Variants in RBFOX1 observed in about 807,000 individuals in gnomAD.
The protein encoded by RBFOX1 is RNA binding fox-1 homolog 1.
In RBFOX1, 8 loss-of-function variants were observed where a neutral mutation model predicts 57.7. The ratio of observed to expected loss-of-function variants is 0.14; its 90% CI spans 0.08 to 0.25. The LOEUF (loss-of-function observed/expected upper bound fraction) is 0.25, where lower values mean the gene tolerates loss of function less well. Among genes scored for constraint, RBFOX1 ranks in the 10% least tolerant of loss-of-function variants. The probability of loss-of-function intolerance (pLI) is 1.00; values close to 1 mark genes in which losing one functional copy is unlikely to be tolerated. For missense variants in RBFOX1, 611 were observed against 548.5 expected (o/e 1.11, Z -1.14); for synonymous variants, 326 against 222.4 (o/e 1.47, Z -4.15).
At chr16:7,034,597 G>T (rs2043741593) in intron 3 of RBFOX1, among the ~76,000 whole-genome samples, 3 of 152,078 alleles carry the variant, frequency 2.0e-5, no homozygotes, top group South Asian at 4.2e-4. Context: ...ATCCAGAGAA[G>T]ATCCCTGGCA....
intron 3 of RBFOX1, among the ~76,000 whole-genome samples, chr16:5,664,902 C>G (rs2049781044): frequency 6.6e-6 from 1 of 152,056 alleles, no homozygotes; most frequent in Non-Finnish European, 1.5e-5. Context: ...TCCTGCCCAC[C>G]TCCATATTGT....
intron 1 of RBFOX1, among the ~76,000 whole-genome samples, chr16:6,290,554 A>G (rs1222459834): frequency 1.3e-5 from 2 of 151,682 alleles, no homozygotes; most frequent in Non-Finnish European, 3.0e-5. Flanking sequence ...TAACATGTGG[A>G]GGGTTAGATA....
At chr16:7,501,496 T>C (rs1443447973) in intron 4 of RBFOX1, among the ~76,000 whole-genome samples, 1 of 152,236 alleles carries the variant, frequency 6.6e-6, no homozygotes, top group African/African-American at 2.4e-5. Flanking sequence ...AAGACAGACA[T>C]AGGTCTCTGC....
chr16:7,053,031 A>G (rs1215221876), intron 4 of RBFOX1, among the ~76,000 whole-genome samples: 1 of 152,202 alleles, frequency 6.6e-6, no homozygotes, highest in East Asian at 1.9e-4. Context: ...TGTCTAATAA[A>G]TAAGCATAAT....
At chr16:5,894,444 T>C (rs548067744) in intron 4 of RBFOX1, among the ~76,000 whole-genome samples, 8 of 152,196 alleles carry the variant, frequency 5.3e-5, no homozygotes, top group African/African-American at 1.9e-4. Context: ...TGGCTAATTT[T>C]TTGTATTTTT....
chr16:7,039,892 C>A (rs1467230261), intron 3 of RBFOX1, among the ~76,000 whole-genome samples: 1 of 151,440 alleles, frequency 6.6e-6, no homozygotes, highest in African/African-American at 2.4e-5. Context: ...TACTTTCCTA[C>A]TGAAGAGAAT....
At chr16:6,641,481 T>G (rs1053056122) in intron 2 of RBFOX1, among the ~76,000 whole-genome samples, 8 of 152,072 alleles carry the variant, frequency 5.3e-5, no homozygotes, top group Non-Finnish European at 1.0e-4. Context: ...ACACCTGTAA[T>G]CCCAGCACTT....
intron 3 of RBFOX1, among the ~76,000 whole-genome samples, chr16:5,781,359 TC>T (rs1381217083): frequency 6.6e-6 from 1 of 152,316 alleles, no homozygotes; most frequent in East Asian, 1.9e-4. Context: ...AGAGTGAGCT[TC>T]TCAATGGATT....
At chr16:5,751,553 G>A (rs1183875923) in intron 3 of RBFOX1, among the ~76,000 whole-genome samples, 1 of 152,144 alleles carries the variant, frequency 6.6e-6, no homozygotes, top group African/African-American at 2.4e-5. Flanking sequence ...TGAATCTGGA[G>A]GATGAACTCT....
chr16:7,567,231 ATATATATATCCATATATCCC>A, intron 5 of RBFOX1, among the ~76,000 whole-genome samples: 1 of 137,098 alleles, frequency 7.3e-6, no homozygotes, highest in African/African-American at 2.7e-5. Flanking sequence ...ATATATCCCT[ATATATATATCCATATATCCC>A]TATATATATA....
chr16:5,643,320 TG>T (rs1458002401), intron 3 of RBFOX1, among the ~76,000 whole-genome samples: 1 of 152,206 alleles, frequency 6.6e-6, no homozygotes, highest in Non-Finnish European at 1.5e-5. Context: ...AGGGTGTGGC[TG>T]CCCCCTGCTC....
intron 3 of RBFOX1, among the ~76,000 whole-genome samples, chr16:5,844,230 C>G (rs1184868409): frequency 6.6e-6 from 1 of 152,034 alleles, no homozygotes; most frequent in African/African-American, 2.4e-5. Flanking sequence ...GTTTTTTTTC[C>G]ACCAACCTGA....
chr16:5,273,599 G>T (rs1281510052), intron 1 of RBFOX1, among the ~76,000 whole-genome samples: 1 of 152,110 alleles, frequency 6.6e-6, no homozygotes, highest in Non-Finnish European at 1.5e-5. Flanking sequence ...TGTGTTTAAG[G>T]TGAGAAGCGG....
intron 4 of RBFOX1, among the ~76,000 whole-genome samples, chr16:7,097,216 C>G (rs541079394): frequency 6.6e-6 from 1 of 152,032 alleles, no homozygotes; most frequent in African/African-American, 2.4e-5. Context: ...TAGGAAACTG[C>G]TATGAGGTAG....
At chr16:6,976,221 A>G (rs1157687677) in intron 3 of RBFOX1, among the ~76,000 whole-genome samples, 3 of 152,178 alleles carry the variant, frequency 2.0e-5, no homozygotes, top group Non-Finnish European at 4.4e-5. Context: ...TGAGCATTCT[A>G]ATTATTACAT....
intron 1 of RBFOX1, among the ~76,000 whole-genome samples, chr16:6,294,679 T>C (rs144737949): frequency 2.0e-5 from 3 of 152,192 alleles, no homozygotes; most frequent in Non-Finnish European, 4.4e-5. Flanking sequence ...CTTAGGTTAA[T>C]GCAAGTTTAG....
intron 3 of RBFOX1, among the ~76,000 whole-genome samples, chr16:5,853,444 G>T (rs904570777): frequency 6.6e-6 from 1 of 152,198 alleles, no homozygotes; most frequent in Non-Finnish European, 1.5e-5. Flanking sequence ...GAGGAGCCAG[G>T]TCTGGTCTCA....
chr16:6,502,019 C>G (rs562375173), intron 2 of RBFOX1, among the ~76,000 whole-genome samples: 2 of 152,118 alleles, frequency 1.3e-5, no homozygotes, highest in African/African-American at 4.8e-5. Context: ...TTTGGAATGC[C>G]TGCTTAGGGG....
At chr16:6,775,551 C>G (rs1024468918) in intron 3 of RBFOX1, among the ~76,000 whole-genome samples, 1 of 152,138 alleles carries the variant, frequency 6.6e-6, no homozygotes, top group African/African-American at 2.4e-5. Context: ...GTCAGTCCAT[C>G]TCTTTGAATT....
Sources: gnomAD v4.1 joint callset for allele counts (sites outside exome capture counted in the v4.1 genomes callset) on GRCh38, gnomAD v4.1.1 for gene constraint, MANE v1.5 for transcripts, NCBI Gene and HGNC (gene_info 2026-07-23, HGNC 2026-07-21) for gene names.